BCAS3: variants seen among roughly 807,000 people sequenced by gnomAD.
BCAS3 encodes BCAS3 microtubule associated cell migration factor.
Under a neutral mutation model 116.1 loss-of-function variants are expected in BCAS3, and 53 were observed. That is an observed-to-expected ratio of 0.46 (90% CI 0.37 to 0.57). The LOEUF (loss-of-function observed/expected upper bound fraction) is 0.57. Among genes scored for constraint, BCAS3 ranks in the 20% least tolerant of loss-of-function variants. BCAS3 has a pLI of 0.00. For synonymous variants in BCAS3, 391 were observed against 408.2 expected, an observed-to-expected ratio of 0.96 and a Z score of 0.51; for missense variants, 917 against 1,165.4, an observed-to-expected ratio of 0.79 and a Z score of 3.10.
Position 61,105,408 on chromosome 17 carries a change from G to A in BCAS3, c.2425+20844G>A, listed in dbSNP as rs540573209. On this transcript the variant is annotated intron_variant, in intron 22 of 23. Coordinates refer to ENST00000407086, the MANE Select transcript of BCAS3 (RefSeq NM_017679.5). This position sits in a 1 kb window ranked among gnomAD's most constrained non-coding sequence, Gnocchi z 4.3. ...GGCCATGACTACTATGCTGACACTAGAGGAAAAACCCACAGAATTTTTTTT... is the reference window on the plus strand; with the variant it reads ...GGCCATGACTACTATGCTGACACTAAAGGAAAAACCCACAGAATTTTTTTT... Among the ~76,000 whole-genome samples, 2 of 152,262 alleles carry A rather than the reference G, an allele frequency of 1.3e-5. No homozygotes were observed. The highest frequency in any genetic ancestry group is 4.1e-4 in the South Asian group (2 of 4,822).
At chr17:60,706,323 T>G (rs536777346) in intron 4 of BCAS3, among the ~76,000 whole-genome samples, 471 of 152,140 alleles carry the variant, frequency 3.1e-3, no homozygotes, top group African/African-American at 0.011. Context: ...CTCAGCCTCC[T>G]AAAGTGCTGG....
At chr17:60,914,426 T>C (rs562149434) in intron 12 of BCAS3, among the ~76,000 whole-genome samples, 1 of 152,160 alleles carries the variant, frequency 6.6e-6, no homozygotes, top group African/African-American at 2.4e-5. Flanking sequence ...TGCCATCAAA[T>C]TGAATACTCA....
intron 3 of BCAS3, among the ~76,000 whole-genome samples, chr17:60,687,758 C>T (rs1309164570): frequency 6.6e-6 from 1 of 152,084 alleles, no homozygotes; most frequent in Non-Finnish European, 1.5e-5. Context: ...TGACGTGATT[C>T]ACCTTTGTGC....
chr17:61,298,004 T>G (rs1343357966), intron 22 of BCAS3, among the ~76,000 whole-genome samples: 1 of 152,194 alleles, frequency 6.6e-6, no homozygotes, highest in Non-Finnish European at 1.5e-5. Context: ...CATCAGTAGC[T>G]TTTTGTGGGG....
chr17:61,084,090 G>A lies in BCAS3; in HGVS notation c.2328-377G>A, dbSNP rs1459918754. Among the ~76,000 whole-genome samples the A allele has an allele frequency of 6.6e-6, 1 of 152,088 alleles. No homozygotes were observed. Among genetic ancestry groups the A allele is most frequent in the Non-Finnish European group, 1.5e-5 (1 of 68,012 alleles). ...GCTATGGTGATATTAGTGAATTTCA[G>A]GATTCTCAAAACTCTTCATGTGTGT... is the stretch of plus-strand genomic sequence containing the variant. On this transcript the variant is annotated intron_variant, in intron 21 of 23. Transcript: ENST00000407086. The surrounding 1 kb of genome is among the most constrained non-coding windows in gnomAD (Gnocchi z 5.5).
At chr17:61,291,469 T>C (rs12453468) in intron 22 of BCAS3, among the ~76,000 whole-genome samples, 72,945 of 152,028 alleles carry the variant, frequency 0.48, 20,901 homozygotes, top group East Asian at 0.7. Context: ...AACTGCTAGA[T>C]TGGTATGTTG....
chr17:60,975,857 A>G (rs1425981387), intron 14 of BCAS3, among the ~76,000 whole-genome samples: 1 of 152,144 alleles, frequency 6.6e-6, no homozygotes, highest in Non-Finnish European at 1.5e-5. Context: ...CCATTTTCAA[A>G]TATGCATCAG....
intron 19 of BCAS3, among the ~76,000 whole-genome samples, chr17:61,048,863 G>C (rs1409554521): frequency 1.3e-5 from 2 of 151,996 alleles, no homozygotes; most frequent in East Asian, 1.9e-4. Context: ...TGGTCACACA[G>C]AGTCAGGACT....
chr17:61,045,953 A>AT (rs1491585974), intron 19 of BCAS3, among the ~76,000 whole-genome samples: 4 of 12,750 alleles, frequency 3.1e-4, no homozygotes, highest in South Asian at 2.9e-3. Flanking sequence ...TTATATATAT[A>AT]AATATATATA....
chr17:60,700,015 A>C (rs2036172956), intron 4 of BCAS3, among the ~76,000 whole-genome samples: 1 of 152,030 alleles, frequency 6.6e-6, no homozygotes, highest in African/African-American at 2.4e-5. Context: ...TCTACAAAAA[A>C]ATTAAAAAAG....
intron 2 of BCAS3, among the ~76,000 whole-genome samples, chr17:60,680,583 A>T (rs1218296779): frequency 6.6e-6 from 1 of 152,036 alleles, no homozygotes; most frequent in Non-Finnish European, 1.5e-5. Context: ...TTGACAAAGA[A>T]TGTCTATACT....
intron 7 of BCAS3, among the ~76,000 whole-genome samples, chr17:60,838,078 C>T (rs1008585094): frequency 6.6e-6 from 1 of 151,708 alleles, no homozygotes; most frequent in African/African-American, 2.4e-5. Flanking sequence ...GAAGACATGG[C>T]GAGATAAACC....
At chr17:61,046,082 T>TTATATATATATATAA (rs2068290862) in intron 19 of BCAS3, among the ~76,000 whole-genome samples, 1 of 32,968 alleles carries the variant, frequency 3.0e-5, no homozygotes, top group African/African-American at 3.0e-4. Flanking sequence ...ATATATATAT[T>TTATATATATATATAA]TATATATATA....
intron 6 of BCAS3, among the ~76,000 whole-genome samples, chr17:60,794,164 T>C (rs938458084): frequency 1.3e-5 from 2 of 152,228 alleles, no homozygotes; most frequent in African/African-American, 2.4e-5. Flanking sequence ...ATTAGTGGTA[T>C]TGAGCATTTT....
chr17:61,228,336 T>C lies in BCAS3; in HGVS notation c.2426-139991T>C, dbSNP rs2082480232. ...GTTGCCTTACCAGGAAACCGTAATT[T>C]ATAGTGTATTTTTTTAAGGTGGGAA... On this transcript the variant is annotated intron_variant, in intron 22 of 23. Transcript: ENST00000407086. This position sits in a 1 kb window ranked among gnomAD's most constrained non-coding sequence, Gnocchi z 5.0. Among the ~76,000 whole-genome samples the C allele has an allele frequency of 6.6e-6, 1 of 152,126 alleles. No homozygotes were observed. The highest frequency in any genetic ancestry group is 2.4e-5 in the African/African-American group (1 of 41,388).
chr17:60,686,358 A>G (rs2034044156), intron 3 of BCAS3, among the ~76,000 whole-genome samples: 1 of 152,118 alleles, frequency 6.6e-6, no homozygotes, highest in African/African-American at 2.4e-5. Flanking sequence ...GAGCCTAGGT[A>G]TTCTCTGGGT....
At chr17:61,153,682 T>TTGTA (rs1309103910) in intron 22 of BCAS3, among the ~76,000 whole-genome samples, 2 of 152,248 alleles carry the variant, frequency 1.3e-5, no homozygotes, top group Non-Finnish European at 2.9e-5. Context: ...ATCTCTACCA[T>TTGTA]TGTATGCCGT....
In BCAS3 at chr17:61,051,598, A is replaced by G. The variant is rs1479326797; in HGVS notation, c.2029+10706A>G. ...AATCTTTAATCATTTCAAAATAAAA[A>G]CTTGTTTTCTTTTAATGGTGATAGG... On this transcript the variant is annotated intron_variant, in intron 19 of 23. Coordinates refer to ENST00000407086, the MANE Select transcript of BCAS3 (RefSeq NM_017679.5). The surrounding 1 kb of genome is among the most constrained non-coding windows in gnomAD (Gnocchi z 4.1). 6.6e-6 allele frequency among the ~76,000 whole-genome samples: 1 copy of G among 152,158 alleles called. No homozygotes were observed. The highest frequency in any genetic ancestry group is 1.9e-4 in the East Asian group (1 of 5,196).
intron 15 of BCAS3, 56 bp from the exon 16 acceptor site, chr17:61,015,695 A>C: frequency 4.5e-6 from 7 of 1,565,858 alleles, no homozygotes; most frequent in Admixed American, 1.7e-5. Flanking sequence ...GGAGATAGAG[A>C]ACGGGAGATA....
Sources: gnomAD v4.1 joint callset for allele counts (sites outside exome capture counted in the v4.1 genomes callset) on GRCh38, gnomAD v4.1.1 for gene constraint, Gnocchi (gnomAD v3.1) non-coding constraint, MANE v1.5 for transcripts, NCBI Gene and HGNC (gene_info 2026-07-23, HGNC 2026-07-21) for gene names.